The following ITPR2 variants were observed in gnomAD, a reference collection of about 807,000 sequenced individuals.
ITPR2 encodes inositol 1,4,5-trisphosphate receptor type 2, also known as inositol 1,4,5-trisphosphate-gated calcium channel ITPR2.
Under a neutral mutation model 317.1 loss-of-function variants are expected in ITPR2, and 207 were observed. The observed-to-expected ratio is 0.65, with a 90% CI of 0.58 to 0.73. The LOEUF (loss-of-function observed/expected upper bound fraction) is 0.73, where lower values mean the gene tolerates loss of function less well. Among genes scored for constraint, ITPR2 ranks in the 30% least tolerant of loss-of-function variants. The pLI, the probability that ITPR2 is intolerant of heterozygous loss-of-function variation, is 0.00. For synonymous variants in ITPR2, 1,156 were observed against 1,149.1 expected (o/e 1.01, Z -0.12); for missense variants, 2,613 against 3,284.0 (o/e 0.80, Z 4.99).
chr12:26,558,954 AT>A (rs1185643892), intron 35 of ITPR2, among the ~76,000 whole-genome samples: 9 of 152,206 alleles, frequency 5.9e-5, no homozygotes. Context: ...ACACAATCAT[AT>A]CAAAACCAGA....
At chr12:26,653,197 C>G (rs1410755325) in intron 21 of ITPR2, among the ~76,000 whole-genome samples, 1 of 151,880 alleles carries the variant, frequency 6.6e-6, no homozygotes, top group Non-Finnish European at 1.5e-5. Context: ...GGCATTCACT[C>G]CTTCTCTGGC....
intron 21 of ITPR2, among the ~76,000 whole-genome samples, chr12:26,633,631 G>T (rs983661287): frequency 3.3e-5 from 5 of 152,204 alleles, no homozygotes; most frequent in Non-Finnish European, 5.9e-5. Context: ...ATGCTTCATT[G>T]TCTGTGGTTC....
intron 9 of ITPR2, among the ~76,000 whole-genome samples, chr12:26,696,399 G>A (rs1005741470): frequency 6.6e-6 from 1 of 152,108 alleles, no homozygotes; most frequent in Non-Finnish European, 1.5e-5. Flanking sequence ...TCATTTTAAT[G>A]TGAATCAACT....
In ITPR2 at chr12:26,390,243, G is replaced by A. The variant is rs114441738; in HGVS notation, c.7697-2649C>T. ...AAACAGAGAGTTACCATATAACTAA[G>A]CATAACCCACTCCTGGGTATATATT... On this transcript the variant is annotated intron_variant, in intron 54 of 56. Transcript: ENST00000381340. Among the ~76,000 whole-genome samples, 689 of 152,234 alleles carry A rather than the reference G, an allele frequency of 4.5e-3. 5 individuals carry two copies. The highest frequency in any genetic ancestry group is 0.015 in the African/African-American group (619 of 41,552).
chr12:26,346,655 T>C (rs1012137951), intron 55 of ITPR2, among the ~76,000 whole-genome samples: 5 of 152,128 alleles, frequency 3.3e-5, no homozygotes, highest in African/African-American at 9.7e-5. Context: ...TGCTATGTTT[T>C]CATATTTAGT....
intron 35 of ITPR2, among the ~76,000 whole-genome samples, chr12:26,557,413 G>C (rs767949455): frequency 9.9e-5 from 15 of 152,170 alleles, no homozygotes; most frequent in Non-Finnish European, 2.2e-4. Context: ...GTAGCAATCT[G>C]TCCAGGTATG....
At chr12:26,655,478 G>A (rs890678089) in intron 20 of ITPR2, among the ~76,000 whole-genome samples, 5 of 151,928 alleles carry the variant, frequency 3.3e-5, no homozygotes, top group South Asian at 2.1e-4. Flanking sequence ...GCCGGGCGTG[G>A]TGGCAGGCGC....
At position 26,745,092 on chromosome 12, in the gene ITPR2, A is replaced by G. The variant is rs113360653; in HGVS notation, c.164-19327T>C. ...GTTCTCAGGGTCATCCTGCCCACAG[A>G]TTAGCAACGGCTTTGCCAGAACGGG... On this transcript the variant is annotated intron_variant, in intron 2 of 56. Transcript: ENST00000381340. 3.3e-3 allele frequency among the ~76,000 whole-genome samples: 498 copies of G among 152,360 alleles called. 4 individuals carry two copies. Among genetic ancestry groups the G allele is most frequent in the African/African-American group, 0.012 (483 of 41,586 alleles).
intron 8 of ITPR2, 25 bp from the exon 9 acceptor site, chr12:26,711,293 T>C (rs776198297): frequency 4.0e-6 from 6 of 1,495,810 alleles, no homozygotes; most frequent in Middle Eastern, 1.7e-4. Flanking sequence ...ACGATAGTAA[T>C]GGCAAAACAA....
intron 34 of ITPR2, among the ~76,000 whole-genome samples, chr12:26,565,709 A>G (rs1476266611): frequency 6.6e-6 from 1 of 151,602 alleles, no homozygotes; most frequent in Admixed American, 6.6e-5. Context: ...AGGCTGAGTC[A>G]GGTGGATCAC....
intron 45 of ITPR2, among the ~76,000 whole-genome samples, chr12:26,474,852 C>A (rs1942380414): frequency 6.6e-6 from 1 of 151,012 alleles, no homozygotes; most frequent in Non-Finnish European, 1.5e-5. Flanking sequence ...CAATCAGAGG[C>A]TGCCAGTTTA....
At chr12:26,801,988 G>A (rs1233977984) in intron 1 of ITPR2, among the ~76,000 whole-genome samples, 1 of 152,068 alleles carries the variant, frequency 6.6e-6, no homozygotes, top group Non-Finnish European at 1.5e-5. Flanking sequence ...ACAAAACAAA[G>A]CAGGAAAATA....
At chr12:26,379,405 T>C (rs1939438707) in intron 55 of ITPR2, among the ~76,000 whole-genome samples, 1 of 152,204 alleles carries the variant, frequency 6.6e-6, no homozygotes, top group Admixed American at 6.5e-5. Context: ...CAGTCAATAC[T>C]TATCCATGTC....
intron 26 of ITPR2, among the ~76,000 whole-genome samples, chr12:26,606,544 C>CT (rs10701661): frequency 0.48 from 68,995 of 143,356 alleles, 17,214 homozygotes; most frequent in East Asian, 0.88. Context: ...TAGTTCCTCC[C>CT]TTTTTTTTTT....
intron 33 of ITPR2, 74 bp from the exon 34 acceptor site, chr12:26,578,907 T>A: frequency 7.2e-7 from 1 of 1,387,174 alleles, no homozygotes; most frequent in South Asian, 1.4e-5. Flanking sequence ...CTATGCATTC[T>A]CAGAAAGGTT....
intron 2 of ITPR2, among the ~76,000 whole-genome samples, chr12:26,772,487 A>AATAATGTATT (rs1486955074): frequency 2.0e-4 from 19 of 96,052 alleles, no homozygotes; most frequent in Non-Finnish European, 3.6e-4. Context: ...TAATATATAT[A>AATAATGTATT]ATACATATAA....
At chr12:26,496,748 C>A (rs1942939482) in intron 37 of ITPR2, among the ~76,000 whole-genome samples, 1 of 151,998 alleles carries the variant, frequency 6.6e-6, no homozygotes, top group Non-Finnish European at 1.5e-5. Flanking sequence ...TAGAGACTAT[C>A]CTGGCTAACA....
intron 55 of ITPR2, among the ~76,000 whole-genome samples, chr12:26,363,071 AG>A (rs1440888065): frequency 6.6e-6 from 1 of 152,212 alleles, no homozygotes; most frequent in Non-Finnish European, 1.5e-5. Context: ...GCTGCATAGC[AG>A]GAAGTGAGTG....
intron 50 of ITPR2, among the ~76,000 whole-genome samples, chr12:26,415,813 T>C (rs1416249359): frequency 6.6e-6 from 1 of 152,208 alleles, no homozygotes; most frequent in Non-Finnish European, 1.5e-5. Context: ...AAAGTTACAT[T>C]GTACTTTACC....
Sources: gnomAD v4.1 joint callset for allele counts (sites outside exome capture counted in the v4.1 genomes callset) on GRCh38, gnomAD v4.1.1 for gene constraint, MANE v1.5 for transcripts, NCBI Gene and HGNC (gene_info 2026-07-23, HGNC 2026-07-21) for gene names.